The following UNC5C variants were observed in gnomAD, a reference collection of about 807,000 sequenced individuals.
The protein encoded by UNC5C is netrin receptor UNC5C.
A neutral mutation model predicts 99.8 loss-of-function variants in UNC5C; 47 were observed. The observed-to-expected ratio is 0.47, with a 90% confidence interval of 0.37 to 0.60. The LOEUF is 0.60. Among genes scored for constraint, UNC5C ranks in the 20% least tolerant of loss-of-function variants. UNC5C has a pLI of 0.00. For missense variants in UNC5C, 1,062 were observed against 1,165.9 expected, an observed-to-expected ratio of 0.91 and a Z score of 1.30; for synonymous variants, 487 against 452.2, an observed-to-expected ratio of 1.08 and a Z score of -0.98.
chr4:95,170,201 C>A lies in UNC5C; in HGVS notation c.2583G>T (p.Thr861=), dbSNP rs149080556. 1.9e-6 allele frequency: 3 copies of A among 1,614,148 alleles called. No homozygotes were observed. The highest frequency in any genetic ancestry group is 4.5e-5 in the East Asian group (2 of 44,858). Residue 861 remains threonine (T), a synonymous_variant, in exon 15 of 16, where the codon ACG becomes ACT. Transcript: ENST00000453304. ...KLCSSLDAPQ[T]RGHDWRMLAH... ...CCAGCATCCTCCAGTCATGGCCTCT[C>A]GTCTGGGGGGCATCCAGGCTGCTAC...
chr4:95,309,796 T>C (rs1161146275), intron 2 of UNC5C, among the ~76,000 whole-genome samples: 2 of 152,132 alleles, frequency 1.3e-5, no homozygotes, highest in African/African-American at 4.8e-5. Flanking sequence ...GCAAAGGATA[T>C]GGGGCAAAGG....
intron 9 of UNC5C, among the ~76,000 whole-genome samples, chr4:95,216,854 G>A (rs1738270729): frequency 6.6e-6 from 1 of 152,182 alleles, no homozygotes; most frequent in Non-Finnish European, 1.5e-5. Context: ...TTGAGCTCAG[G>A]TCAGAACCAC....
In UNC5C at chr4:95,229,964, C is replaced by T. The variant is rs377132144; in HGVS notation, c.1109-9788G>A. Reference sequence around the variant, plus strand: ...TAGCTGGGATTACAGTCGTCTGCCACCATGGCCAACTAATTTTTTGTATTT... The same window carrying T: ...TAGCTGGGATTACAGTCGTCTGCCATCATGGCCAACTAATTTTTTGTATTT... On this transcript the variant is annotated intron_variant, in intron 7 of 15. Coordinates refer to ENST00000453304, the MANE Select transcript of UNC5C (RefSeq NM_003728.4). Among the ~76,000 whole-genome samples, 60 of 151,940 alleles carry T rather than the reference C, an allele frequency of 3.9e-4. No homozygotes were observed. The South Asian group carries it at 0.012, about 30-fold the overall frequency.
At chr4:95,329,710 C>A (rs551004008) in intron 2 of UNC5C, among the ~76,000 whole-genome samples, 1 of 152,140 alleles carries the variant, frequency 6.6e-6, no homozygotes, top group African/African-American at 2.4e-5. Flanking sequence ...ATAAAATTAG[C>A]CCTTTGGCTA....
chr4:95,517,870 T>C (rs968260859), intron 1 of UNC5C, among the ~76,000 whole-genome samples: 1 of 152,142 alleles, frequency 6.6e-6, no homozygotes. Context: ...GAGTCTCTGA[T>C]TTAGATTTTT....
intron 1 of UNC5C, among the ~76,000 whole-genome samples, chr4:95,493,583 AACAC>A (rs1004844510): frequency 1.3e-5 from 2 of 151,522 alleles, no homozygotes; most frequent in East Asian, 3.9e-4. Flanking sequence ...GGTACTACAA[AACAC>A]ACACTAAGTT....
At chr4:95,236,114 G>C (rs1244524620) in intron 7 of UNC5C, among the ~76,000 whole-genome samples, 2 of 152,124 alleles carry the variant, frequency 1.3e-5, no homozygotes, top group African/African-American at 4.8e-5. Context: ...AAATCATGCT[G>C]CTATAAAGAC....
intron 3 of UNC5C, among the ~76,000 whole-genome samples, chr4:95,290,427 A>G (rs898800024): frequency 6.6e-6 from 1 of 152,036 alleles, no homozygotes; most frequent in South Asian, 2.1e-4. Flanking sequence ...AGTTCCCTCT[A>G]TAGTTTGAAA....
intron 1 of UNC5C, among the ~76,000 whole-genome samples, chr4:95,467,413 CAGAG>C (rs1330600857): frequency 1.3e-5 from 2 of 151,966 alleles, no homozygotes; most frequent in Admixed American, 6.6e-5. Flanking sequence ...CAGATAAAAA[CAGAG>C]AGAGAGAATG....
intron 1 of UNC5C, among the ~76,000 whole-genome samples, chr4:95,434,169 G>A (rs1270552291): frequency 6.6e-5 from 10 of 152,006 alleles, no homozygotes; most frequent in Admixed American, 6.6e-4. Context: ...TCTAACACAG[G>A]GAAACAGGAT....
intron 1 of UNC5C, among the ~76,000 whole-genome samples, chr4:95,426,942 G>A (rs1474528721): frequency 6.6e-6 from 1 of 152,210 alleles, no homozygotes; most frequent in Non-Finnish European, 1.5e-5. Flanking sequence ...ATCTAGCTAA[G>A]ATTATTGATG....
chr4:95,488,639 A>G (rs2149480549), intron 1 of UNC5C, among the ~76,000 whole-genome samples: 1 of 151,872 alleles, frequency 6.6e-6, no homozygotes, highest in African/African-American at 2.4e-5. Context: ...TAACAACAGG[A>G]ACTCGTAATA....
intron 1 of UNC5C, among the ~76,000 whole-genome samples, chr4:95,341,606 T>C (rs1428092856): frequency 6.6e-6 from 1 of 151,656 alleles, no homozygotes; most frequent in Non-Finnish European, 1.5e-5. Flanking sequence ...CAGAGCAAGA[T>C]AGCCAAATGG....
intron 4 of UNC5C, among the ~76,000 whole-genome samples, chr4:95,254,744 T>C (rs1253648965): frequency 3.3e-5 from 5 of 152,206 alleles, no homozygotes; most frequent in African/African-American, 9.6e-5. Flanking sequence ...ATAAACTTAG[T>C]TCCAATTATC....
At chr4:95,477,378 C>T (rs530107007) in intron 1 of UNC5C, among the ~76,000 whole-genome samples, 2 of 151,988 alleles carry the variant, frequency 1.3e-5, no homozygotes, top group Non-Finnish European at 2.9e-5. Context: ...AGGCCAAAGG[C>T]TCAAGTAATA....
intron 10 of UNC5C, among the ~76,000 whole-genome samples, chr4:95,210,260 A>G (rs933942194): frequency 4.6e-5 from 7 of 152,210 alleles, no homozygotes; most frequent in African/African-American, 1.7e-4. Context: ...AATGTAATGA[A>G]TAGGGAAGTG....
chr4:95,435,510 C>A lies in UNC5C; in HGVS notation c.125-99879G>T, dbSNP rs561032801. On this transcript the variant is annotated intron_variant, in intron 1 of 15. Transcript: ENST00000453304. ...AAATTTCCCATCTAATTATGCATTACTTTACTTGTGAGGAACAATGTGTGA... is the reference window on the plus strand; with the variant it reads ...AAATTTCCCATCTAATTATGCATTAATTTACTTGTGAGGAACAATGTGTGA... Among the ~76,000 whole-genome samples, 254 of 152,182 alleles carry A rather than the reference C, an allele frequency of 1.7e-3. 1 individual carries two copies. The highest frequency in any genetic ancestry group is 3.0e-3 in the Non-Finnish European group (201 of 67,990).
At chr4:95,266,909 C>T (rs905410955) in intron 4 of UNC5C, among the ~76,000 whole-genome samples, 1 of 152,166 alleles carries the variant, frequency 6.6e-6, no homozygotes, top group African/African-American at 2.4e-5. Flanking sequence ...TTTATCTTGA[C>T]TTTCCGTAGT....
chr4:95,509,879 C>A (rs889936366), intron 1 of UNC5C, among the ~76,000 whole-genome samples: 2 of 151,738 alleles, frequency 1.3e-5, no homozygotes, highest in African/African-American at 4.8e-5. Context: ...CCTAAGTAGC[C>A]ATAATTAGAA....
Sources: allele counts gnomAD v4.1 joint callset (sites outside exome capture counted in the v4.1 genomes callset), GRCh38; gene constraint gnomAD v4.1.1; transcripts MANE v1.5; gene names NCBI Gene and HGNC (gene_info 2026-07-23, HGNC 2026-07-21).